Variants in RBL2 observed in about 807,000 individuals in gnomAD.
RBL2 encodes retinoblastoma-like protein 2.
Under a neutral mutation model 126.0 loss-of-function variants are expected in RBL2, and 56 were observed. That is an observed-to-expected ratio of 0.44 (90% CI 0.36 to 0.56). The LOEUF (loss-of-function observed/expected upper bound fraction) is 0.56. Ranked by LOEUF, RBL2 falls within the 20% of genes least tolerant of loss-of-function variation. The probability of loss-of-function intolerance (pLI) is 0.00; values close to 1 mark genes in which losing one functional copy is unlikely to be tolerated. For synonymous variants in RBL2, 454 were observed against 478.5 expected, an observed-to-expected ratio of 0.95 and a Z score of 0.67; for missense variants, 1,229 against 1,398.2, an observed-to-expected ratio of 0.88 and a Z score of 1.93.
intron 2 of RBL2, among the ~76,000 whole-genome samples, chr16:53,442,403 T>C (rs924467995): frequency 1.3e-5 from 2 of 152,238 alleles, no homozygotes; most frequent in Non-Finnish European, 2.9e-5. Context: ...CTCTTGTTAA[T>C]TTTGGTTTGT....
intron 21 of RBL2, 65 bp from the exon 22 acceptor site, chr16:53,490,065 T>TTTGAC: frequency 1.6e-6 from 2 of 1,265,638 alleles, no homozygotes; most frequent in South Asian, 3.6e-5. Flanking sequence ...TTTGAGATTC[T>TTTGAC]TTGACTTAAT....
rs1960871327 is a variant in RBL2, at chr16:53,479,809, CAT to C, written c.2776-74_2776-73del. 2.9e-5 allele frequency: 27 copies of C among 921,868 alleles called. No individual in the cohort carries two copies. In the East Asian group the frequency reaches 6.5e-4, roughly 22 times the overall value. 57.1% of individuals were successfully genotyped at this position (921,868 alleles called of 1,614,324 possible). Reference sequence around the variant, plus strand: ...ACAGGTTATTGTGAAAACCAAGTAACATATGTGAAGGTCCTATCACCAAGGGT... The same window carrying C: ...ACAGGTTATTGTGAAAACCAAGTAACATGTGAAGGTCCTATCACCAAGGGT... On this transcript the variant is annotated intron_variant, in intron 18 of 21. Coordinates refer to ENST00000262133, the MANE Select transcript of RBL2 (RefSeq NM_005611.4).
chr16:53,481,480 A>G (rs1008619334), intron 20 of RBL2, 191 bp from the exon 21 acceptor site: 2 of 532,442 alleles, frequency 3.8e-6, no homozygotes, highest in Non-Finnish European at 6.4e-6. Context: ...GCTTAAAATA[A>G]TAACTGGCAC....
chr16:53,438,713 G>A (rs911624959), intron 1 of RBL2, among the ~76,000 whole-genome samples: 3 of 151,726 alleles, frequency 2.0e-5, no homozygotes, highest in Non-Finnish European at 2.9e-5. Flanking sequence ...GTATGGTGGC[G>A]CACTTCTGTA....
chr16:53,488,098 A>C (rs573169452), intron 21 of RBL2: 1 of 152,264 alleles, frequency 6.6e-6, no homozygotes, highest in Non-Finnish European at 1.5e-5. Context: ...AAAATCACGT[A>C]CATGACTGTT....
At chr16:53,456,427 A>T (rs901195982) in intron 8 of RBL2, among the ~76,000 whole-genome samples, 1 of 152,210 alleles carries the variant, frequency 6.6e-6, no homozygotes, top group Admixed American at 6.5e-5. Context: ...GCAATAGTTT[A>T]TGGTGGCTTG....
intron 8 of RBL2, among the ~76,000 whole-genome samples, chr16:53,457,183 C>A (rs62048520): frequency 0.28 from 42,287 of 149,820 alleles, 6,305 homozygotes; most frequent in Middle Eastern, 0.37. Flanking sequence ...TATACAAGAC[C>A]GGAGTTCACA....
Position 53,479,882 on chromosome 16 carries a change from A to G in RBL2, c.2776-4A>G. 6.4e-7 allele frequency: 1 copy of G among 1,569,022 alleles called. No homozygotes were observed. Among genetic ancestry groups the G allele is most frequent in the South Asian group, 1.1e-5 (1 of 88,182 alleles). On this transcript the variant is annotated splice_region_variant and splice_polypyrimidine_tract_variant and intron_variant, in intron 18 of 21. Transcript: ENST00000262133. The stretch of plus-strand genomic sequence containing the variant: ...TATGTCCCCTTCTCATTGTTTCTCT[A>G]AAGGTGTATAGAAGTGTTTTGATAA...
At chr16:53,482,627 G>T (rs9302647) in intron 21 of RBL2, among the ~76,000 whole-genome samples, 3 of 151,958 alleles carry the variant, frequency 2.0e-5, no homozygotes, top group South Asian at 4.2e-4. Flanking sequence ...CTAGTCAACA[G>T]GGTGAAACCT....
chr16:53,471,008 C>G, intron 17 of RBL2, 86 bp downstream of exon 17: 1 of 1,353,058 alleles, frequency 7.4e-7, no homozygotes, highest in South Asian at 1.4e-5. Flanking sequence ...ATACAGTTTA[C>G]ATGCTCTATA....
intron 21 of RBL2, among the ~76,000 whole-genome samples, chr16:53,484,326 A>G (rs1270061119): frequency 1.3e-5 from 2 of 152,238 alleles, no homozygotes; most frequent in African/African-American, 4.8e-5. Context: ...TGGCTTAAAA[A>G]GGAGGAAAAA....
chr16:53,460,461 T>C (rs1166293163), intron 9 of RBL2, among the ~76,000 whole-genome samples: 1 of 152,246 alleles, frequency 6.6e-6, no homozygotes, highest in Non-Finnish European at 1.5e-5. Flanking sequence ...CAACAAGTTA[T>C]ATCTCTGTGG....
In RBL2 at chr16:53,444,614, G is replaced by A. The variant is rs141272782; in HGVS notation, c.572+1756G>A. Reference sequence around the variant, plus strand: ...TATTCTCCTAGCACTTTGGGAGGCCGAGGCAGGTGGATTGCTTGAGGTCAG... The same window carrying A: ...TATTCTCCTAGCACTTTGGGAGGCCAAGGCAGGTGGATTGCTTGAGGTCAG... On this transcript the variant is annotated intron_variant, in intron 3 of 21. Transcript: ENST00000262133. 5.8e-3 allele frequency among the ~76,000 whole-genome samples: 873 copies of A among 151,632 alleles called. 6 individuals are homozygous for A. The highest frequency in any genetic ancestry group is 0.02 in the African/African-American group (821 of 41,254).
intron 8 of RBL2, among the ~76,000 whole-genome samples, chr16:53,456,424 T>C (rs1477228968): frequency 2.6e-5 from 4 of 152,238 alleles, no homozygotes; most frequent in African/African-American, 9.6e-5. Flanking sequence ...CTGGCAATAG[T>C]TTATGGTGGC....
At chr16:53,464,432 A>G (rs2058252441) in intron 12 of RBL2, 69 bp downstream of exon 12, 1 of 1,301,820 alleles carries the variant, frequency 7.7e-7, no homozygotes, top group Non-Finnish European at 1.1e-6. Context: ...TTAGTCATTT[A>G]GTTCAAGTTA....
intron 3 of RBL2, 70 bp downstream of exon 3, chr16:53,442,928 T>C: frequency 8.5e-7 from 1 of 1,175,388 alleles, no homozygotes; most frequent in South Asian, 1.8e-5. Flanking sequence ...TCTGCTAGGT[T>C]TTTTTTTTCT....
intron 20 of RBL2, 114 bp downstream of exon 20, chr16:53,480,883 G>C: frequency 9.5e-7 from 1 of 1,047,664 alleles, no homozygotes. Flanking sequence ...TTTTGGCCAG[G>C]TGTGGTGGCT....
intron 5 of RBL2, among the ~76,000 whole-genome samples, chr16:53,453,241 T>A (rs968885058): frequency 2.6e-5 from 4 of 152,210 alleles, no homozygotes; most frequent in Admixed American, 6.5e-5. Context: ...AATAATTGAA[T>A]AACTGAAATC....
chr16:53,451,581 A>C (rs2058115078), intron 4 of RBL2, 122 bp from the exon 5 acceptor site: 12 of 1,074,768 alleles, frequency 1.1e-5, no homozygotes, highest in Non-Finnish European at 1.5e-5. Context: ...CAAAACACTT[A>C]TTGTAATGAG....
Sources: gnomAD v4.1 joint callset for allele counts (sites outside exome capture counted in the v4.1 genomes callset) on GRCh38, gnomAD v4.1.1 for gene constraint, MANE v1.5 for transcripts, NCBI Gene and HGNC (gene_info 2026-07-23, HGNC 2026-07-21) for gene names.